PTPRD: variants seen among roughly 807,000 people sequenced by gnomAD.
PTPRD encodes protein tyrosine phosphatase receptor type D, also known as receptor-type tyrosine-protein phosphatase delta.
PTPRD carries 34 observed loss-of-function variants against 214.5 expected under a neutral mutation model. The observed-to-expected ratio is 0.16, with a 90% CI of 0.12 to 0.21. PTPRD has a LOEUF of 0.21. Among genes scored for constraint, PTPRD ranks in the 10% least tolerant of loss-of-function variants. PTPRD has a pLI of 1.00. For missense variants in PTPRD, 2,545 were observed against 2,398.7 expected (o/e 1.06, Z -1.27); for synonymous variants, 1,128 against 845.7 (o/e 1.33, Z -5.79).
intron 8 of PTPRD, among the ~76,000 whole-genome samples, chr9:9,528,940 T>TTC (rs1188882259): frequency 3.4e-4 from 49 of 144,790 alleles, no homozygotes; most frequent in African/African-American, 1.3e-3. Context: ...GTTTGTTTCT[T>TTC]TTTTTTTTTT....
intron 2 of PTPRD, among the ~76,000 whole-genome samples, chr9:10,486,381 T>C (rs1348842202): frequency 6.6e-6 from 1 of 152,160 alleles, no homozygotes; most frequent in African/African-American, 2.4e-5. Context: ...AGGGGTCCAA[T>C]TTCAGTTTTC....
At chr9:10,064,871 G>T (rs1212439523) in intron 3 of PTPRD, among the ~76,000 whole-genome samples, 1 of 151,972 alleles carries the variant, frequency 6.6e-6, no homozygotes, top group Non-Finnish European at 1.5e-5. Flanking sequence ...AACTAGAGTT[G>T]CTATTTTATG....
chr9:8,730,113 G>A (rs568245060), intron 12 of PTPRD, among the ~76,000 whole-genome samples: 12 of 152,190 alleles, frequency 7.9e-5, no homozygotes, highest in South Asian at 4.2e-4. Context: ...AAAATTAGCC[G>A]GGCGAGGTGG....
intron 5 of PTPRD, among the ~76,000 whole-genome samples, chr9:9,917,967 A>G (rs2081412082): frequency 6.6e-6 from 1 of 152,102 alleles, no homozygotes; most frequent in African/African-American, 2.4e-5. Flanking sequence ...CATCTTACTG[A>G]TCAGTGAAAA....
chr9:10,316,618 T>C (rs1204944215), intron 3 of PTPRD, among the ~76,000 whole-genome samples: 1 of 152,026 alleles, frequency 6.6e-6, no homozygotes, highest in Non-Finnish European at 1.5e-5. Flanking sequence ...CAAAGCCAGC[T>C]TTATAGTGAA....
chr9:10,154,995 A>G (rs1216938917), intron 3 of PTPRD, among the ~76,000 whole-genome samples: 3 of 152,076 alleles, frequency 2.0e-5, no homozygotes, highest in East Asian at 3.9e-4. Flanking sequence ...CATAATTGGT[A>G]GTTTCATAAT....
chr9:9,455,248 G>A (rs2092821051), intron 8 of PTPRD, among the ~76,000 whole-genome samples: 1 of 151,394 alleles, frequency 6.6e-6, no homozygotes, highest in Admixed American at 6.6e-5. Context: ...ATGTAGATGG[G>A]AAAATGAAGT....
intron 7 of PTPRD, among the ~76,000 whole-genome samples, chr9:9,609,673 G>C (rs2094410415): frequency 6.6e-6 from 1 of 152,136 alleles, no homozygotes; most frequent in South Asian, 2.1e-4. Context: ...ATGTTGGCCA[G>C]GCTGGTCTGG....
chr9:9,676,381 G>GT (rs1210940146), intron 7 of PTPRD, among the ~76,000 whole-genome samples: 2 of 150,352 alleles, frequency 1.3e-5, no homozygotes, highest in African/African-American at 2.5e-5. Context: ...GCGGTGTTTG[G>GT]TTTTTTGTCC....
chr9:8,813,126 T>C (rs896941552), intron 11 of PTPRD, among the ~76,000 whole-genome samples: 8 of 152,120 alleles, frequency 5.3e-5, no homozygotes, highest in African/African-American at 1.4e-4. Flanking sequence ...GGGAGTATAA[T>C]AAATGGGGCT....
intron 8 of PTPRD, among the ~76,000 whole-genome samples, chr9:9,415,246 C>T (rs781105211): frequency 2.0e-5 from 3 of 152,046 alleles, no homozygotes; most frequent in African/African-American, 4.8e-5. Flanking sequence ...GAGACGAAGG[C>T]GGGCAGATCT....
chr9:9,939,173 A>G (rs978699544), intron 4 of PTPRD, among the ~76,000 whole-genome samples: 5 of 152,120 alleles, frequency 3.3e-5, no homozygotes, highest in African/African-American at 1.2e-4. Flanking sequence ...TGTTGCTACT[A>G]TGGAAATAGA....
rs78530582 is a variant in PTPRD at position 8,489,765 on chromosome 9, T to A, written c.2467+3097A>T. ...GGAGAGTTCTACATCATTGAATACA[T>A]AGTTAAAAAGAATTCTCCCAAACTC... On this transcript the variant is annotated intron_variant, in intron 27 of 45. Transcript: ENST00000381196. Among the ~76,000 whole-genome samples the A allele has an allele frequency of 2.4e-3, 362 of 152,230 alleles. 8 individuals are homozygous for A. In the East Asian group the frequency reaches 0.047, roughly 20 times the overall value.
chr9:10,085,104 A>T (rs1300710321), intron 3 of PTPRD, among the ~76,000 whole-genome samples: 1 of 151,908 alleles, frequency 6.6e-6, no homozygotes, highest in Non-Finnish European at 1.5e-5. Flanking sequence ...AAAATATTTG[A>T]ATTTCTCCTT....
intron 39 of PTPRD, among the ~76,000 whole-genome samples, chr9:8,343,151 T>C (rs918992369): frequency 6.9e-5 from 2 of 29,030 alleles, no homozygotes; most frequent in Non-Finnish European, 2.8e-4. Flanking sequence ...AAGAGATCAT[T>C]TTTTTTTTAA....
In PTPRD at chr9:10,608,999, G is replaced by C. The variant is rs543827089; in HGVS notation, c.-600+3399C>G. 3.3e-5 allele frequency among the ~76,000 whole-genome samples: 5 copies of C among 152,182 alleles called. No homozygotes were observed. The East Asian group carries it at 9.7e-4, about 29-fold the overall frequency. On this transcript the variant is annotated intron_variant, in intron 2 of 45. Coordinates refer to ENST00000381196, the MANE Select transcript of PTPRD (RefSeq NM_002839.4). ...TAAGAAGATAAGTTCAAATGGCATT[G>C]AACTGGGTACAAAATTCTACTTATT...
At chr9:9,525,407 T>C (rs546651951) in intron 8 of PTPRD, among the ~76,000 whole-genome samples, 2 of 152,284 alleles carry the variant, frequency 1.3e-5, no homozygotes, top group African/African-American at 4.8e-5. Context: ...TCGATGTTCC[T>C]TTTACATAAA....
chr9:9,839,808 AT>A (rs112359905), intron 5 of PTPRD, among the ~76,000 whole-genome samples: 70 of 152,112 alleles, frequency 4.6e-4, no homozygotes, highest in African/African-American at 1.6e-3. Flanking sequence ...AACTTGCTGC[AT>A]TTTTTTAAGA....
At chr9:10,165,370 C>T (rs970511446) in intron 3 of PTPRD, among the ~76,000 whole-genome samples, 3 of 151,648 alleles carry the variant, frequency 2.0e-5, no homozygotes, top group Non-Finnish European at 4.4e-5. Flanking sequence ...AGCTAAGAAT[C>T]ACCAAAACTT....
Sources: allele counts gnomAD v4.1 joint callset (sites outside exome capture counted in the v4.1 genomes callset), GRCh38; gene constraint gnomAD v4.1.1; transcripts MANE v1.5; gene names NCBI Gene and HGNC (gene_info 2026-07-23, HGNC 2026-07-21).